POLD3: variants seen among roughly 807,000 people sequenced by gnomAD.
POLD3 encodes the protein DNA polymerase delta 3, accessory subunit.
POLD3 carries 19 observed loss-of-function variants against 58.2 expected under a neutral mutation model. The observed-to-expected ratio is 0.33, with a 90% CI of 0.23 to 0.48. POLD3 has a LOEUF of 0.48. POLD3 is among the 20% of genes least tolerant of loss of function. POLD3 has a pLI of 0.99. For missense variants in POLD3, 504 were observed against 545.5 expected (o/e 0.92, Z 0.76); for synonymous variants, 172 against 193.5 (o/e 0.89, Z 0.92).
intron 5 of POLD3, among the ~76,000 whole-genome samples, chr11:74,615,658 G>A (rs931884467): frequency 2.0e-5 from 3 of 152,166 alleles, no homozygotes; most frequent in Non-Finnish European, 4.4e-5. Flanking sequence ...AGAATGACTT[G>A]AACTTGGGTT....
chr11:74,638,083 G>A (rs1591319384), intron 11 of POLD3, among the ~76,000 whole-genome samples: 1 of 152,112 alleles, frequency 6.6e-6, no homozygotes, highest in East Asian at 1.9e-4. Context: ...GTTTCTAAGA[G>A]CAAAGCAGTT....
intron 9 of POLD3, among the ~76,000 whole-genome samples, chr11:74,629,567 A>T (rs1007218384): frequency 1.3e-5 from 2 of 151,348 alleles, no homozygotes; most frequent in Non-Finnish European, 2.9e-5. Flanking sequence ...ATATTATCTA[A>T]GACTTTTTCT....
At chr11:74,631,778 G>A (rs892555549) in intron 9 of POLD3, among the ~76,000 whole-genome samples, 4 of 152,064 alleles carry the variant, frequency 2.6e-5, no homozygotes, top group African/African-American at 7.2e-5. Flanking sequence ...CACTGCGCCC[G>A]TCCTGTTTTT....
intron 11 of POLD3, among the ~76,000 whole-genome samples, chr11:74,639,914 C>A (rs921181754): frequency 6.6e-6 from 1 of 152,176 alleles, no homozygotes; most frequent in South Asian, 2.1e-4. Flanking sequence ...AGATAGTTAA[C>A]CTTCATGATA....
chr11:74,655,698 GAAGAA>G (rs2033125615), intron 4 of POLD3, among the ~76,000 whole-genome samples: 1 of 150,108 alleles, frequency 6.7e-6, no homozygotes, highest in Non-Finnish European at 1.5e-5. Context: ...AGTAGGAATA[GAAGAA>G]AACATCCTCA....
rs1158260012 is a variant in POLD3, at chr11:74,631,477, C to CTT, written c.1006+2173_1006+2174dup. Among the ~76,000 whole-genome samples, 802 of 110,256 alleles carry CTT rather than the reference C, an allele frequency of 7.3e-3. 23 individuals carry two copies. Among genetic ancestry groups the CTT allele is most frequent in the South Asian group, 0.014 (45 of 3,300 alleles). 72.3% of individuals were successfully genotyped at this position (110,256 alleles called of 152,430 possible). ...ATGGTTTTCTTTTGTTTTGTCTTGT[C>CTT]TTTTTTTTTTTTTTTTTTTTGAGAC... is the stretch of plus-strand genomic sequence containing the variant. On this transcript the variant is annotated intron_variant, in intron 9 of 11. Transcript: ENST00000263681.
At chr11:74,610,421 G>C in intron 3 of POLD3, among the ~76,000 whole-genome samples, 1 of 152,072 alleles carries the variant, frequency 6.6e-6, no homozygotes, top group East Asian at 1.9e-4. Context: ...ATGTTGACGA[G>C]GGAGGTCTCC....
chr11:74,649,653 A>G (rs1778056554), intron 4 of POLD3, among the ~76,000 whole-genome samples: 1 of 152,202 alleles, frequency 6.6e-6, no homozygotes, highest in Non-Finnish European at 1.5e-5. Flanking sequence ...TGCATAGTTC[A>G]TAATACATGT....
intron 4 of POLD3, among the ~76,000 whole-genome samples, chr11:74,659,930 G>A (rs2033184537): frequency 6.6e-6 from 1 of 152,090 alleles, no homozygotes; most frequent in African/African-American, 2.4e-5. Flanking sequence ...ACAGTTTTGG[G>A]TATCTTTTCA....
intron 4 of POLD3, among the ~76,000 whole-genome samples, chr11:74,661,278 A>G (rs1330094987): frequency 6.6e-6 from 1 of 152,128 alleles, no homozygotes; most frequent in Non-Finnish European, 1.5e-5. Context: ...GTGTCTAGGC[A>G]TTGAAGAGTT....
downstream of POLD3, among the ~76,000 whole-genome samples, chr11:74,647,428 T>C (rs1197136532): frequency 6.6e-6 from 1 of 152,178 alleles, no homozygotes; most frequent in African/African-American, 2.4e-5. Flanking sequence ...TCCCACATTT[T>C]GCAGAAAAGA....
intron 5 of POLD3, among the ~76,000 whole-genome samples, chr11:74,618,022 C>T (rs2032133346): frequency 6.6e-6 from 1 of 152,196 alleles, no homozygotes; most frequent in Non-Finnish European, 1.5e-5. Flanking sequence ...CCCAACCCTA[C>T]AGCATGATTT....
At chr11:74,604,466 T>A in intron 2 of POLD3, 1 of 474,740 alleles carries the variant, frequency 2.1e-6, no homozygotes, top group Admixed American at 3.8e-5. Context: ...TCAGTTAATG[T>A]ACTGATCACT....
intron 9 of POLD3, among the ~76,000 whole-genome samples, chr11:74,632,055 A>T (rs2032610320): frequency 1.3e-5 from 2 of 152,176 alleles, no homozygotes; most frequent in African/African-American, 4.8e-5. Flanking sequence ...TAACATCTAC[A>T]TTGCTAGGAG....
At chr11:74,634,500 G>A (rs2032687716) in intron 9 of POLD3, 83 bp from the exon 10 acceptor site, 1 of 776,886 alleles carries the variant, frequency 1.3e-6, no homozygotes. Flanking sequence ...TGCTGGACAT[G>A]TCAATTTAGA....
At chr11:74,640,529 C>A in intron 11 of POLD3, 35 bp from the exon 12 acceptor site, 2 of 1,470,984 alleles carry the variant, frequency 1.4e-6, no homozygotes, top group Non-Finnish European at 1.8e-6. Context: ...AATGATTCAG[C>A]CCACCCATGT....
chr11:74,648,445 G>A (rs1258361543), intron 4 of POLD3, among the ~76,000 whole-genome samples: 1 of 152,192 alleles, frequency 6.6e-6, no homozygotes, highest in Non-Finnish European at 1.5e-5. Context: ...CCATAGGTCA[G>A]TGTGGTCCCA....
downstream of POLD3, among the ~76,000 whole-genome samples, chr11:74,646,786 C>T (rs1181419273): frequency 6.6e-6 from 1 of 152,150 alleles, no homozygotes; most frequent in Admixed American, 6.5e-5. Context: ...TGGGTTAGGC[C>T]AGGGTGGTGT....
In POLD3 at chr11:74,612,954, G is replaced by T. The variant is rs755305945; in HGVS notation, c.336G>T (p.Gly112=). ...AGAAAGCCATGCTAAAGGACAGTGG[G>T]CCTCTGTTCAATACTGACTATGACA... ...SIQKAMLKDS[G]PLFNTDYDIL... Residue 112 remains glycine (G), a synonymous_variant, in exon 5 of 12, where the codon GGG becomes GGT. Transcript: ENST00000263681. 2 of 1,613,634 alleles carry T rather than the reference G, an allele frequency of 1.2e-6. No homozygotes were observed. The highest frequency in any genetic ancestry group is 2.2e-5 in the South Asian group (2 of 91,064).
Sources: gnomAD v4.1 joint callset for allele counts (sites outside exome capture counted in the v4.1 genomes callset) on GRCh38, gnomAD v4.1.1 for gene constraint, MANE v1.5 for transcripts, NCBI Gene and HGNC (gene_info 2026-07-23, HGNC 2026-07-21) for gene names.